Variants in HSH2D observed in about 807,000 individuals in gnomAD.
The protein encoded by HSH2D is hematopoietic SH2 domain-containing protein.
Under a neutral mutation model 21.5 loss-of-function variants are expected in HSH2D, and 16 were observed. The observed-to-expected ratio is 0.74, with a 90% CI of 0.50 to 1.13. HSH2D has a LOEUF of 1.13. Ranked by LOEUF, HSH2D falls within the 50% of genes most tolerant of loss-of-function variation. The pLI is 0.00. For missense variants in HSH2D, 418 were observed against 441.4 expected, an observed-to-expected ratio of 0.95 and a Z score of 0.47; for synonymous variants, 172 against 184.7, an observed-to-expected ratio of 0.93 and a Z score of 0.56.
At chr19:16,144,596 G>A (rs915031036) in intron 1 of HSH2D, among the ~76,000 whole-genome samples, 1 of 151,506 alleles carries the variant, frequency 6.6e-6, no homozygotes, top group Non-Finnish European at 1.5e-5. Flanking sequence ...CAGGGACAGA[G>A]AGCCATTAAG....
At chr19:16,142,842 G>A (rs764961845), upstream of HSH2D, among the ~76,000 whole-genome samples, 3 of 151,048 alleles carry the variant, frequency 2.0e-5, no homozygotes, top group African/African-American at 7.3e-5. Context: ...GCGTGATCTC[G>A]GCTCACTGCA....
At chr19:16,136,750 C>T (rs966219075) in intron 1 of HSH2D, among the ~76,000 whole-genome samples, 3 of 152,038 alleles carry the variant, frequency 2.0e-5, no homozygotes, top group Non-Finnish European at 4.4e-5. Flanking sequence ...GCAGAGGACC[C>T]GCTTGCATGA....
At position 16,157,099 on chromosome 19, in the gene HSH2D, G is replaced by A. The variant is rs2091246347; in HGVS notation, c.475-111G>A. The A allele has an allele frequency of 1.2e-6, 1 of 808,918 alleles. No homozygotes were observed. Among genetic ancestry groups the A allele is most frequent in the African/African-American group, 1.7e-5 (1 of 57,152 alleles). The allele number at this position is 808,918 out of a possible 1,614,324, so 50.1% of individuals were successfully genotyped here. A position where few individuals can be genotyped will look rare whatever the true frequency, so the allele number is the denominator to read the frequency against. On this transcript the variant is annotated intron_variant, in intron 5 of 5. Transcript: ENST00000613986. This position sits in a 1 kb window ranked among gnomAD's most constrained non-coding sequence, Gnocchi z 4.4. ...GATCAGGTTTGGGGGTTCACACGGG[G>A]ACGTTTCTCAGCCACAGGGTGTCTG...
upstream of HSH2D, among the ~76,000 whole-genome samples, chr19:16,141,225 C>T (rs1374298505): frequency 6.6e-6 from 1 of 152,212 alleles, no homozygotes; most frequent in African/African-American, 2.4e-5. Flanking sequence ...CACGTGTCTC[C>T]TGCTTAGACC....
chr19:16,145,036 GGT>G (rs1491259217), intron 1 of HSH2D, among the ~76,000 whole-genome samples: 6 of 137,674 alleles, frequency 4.4e-5, no homozygotes, highest in African/African-American at 1.8e-4. Context: ...TTTTTTTTGG[GGT>G]TTTTTTTTTT....
At chr19:16,143,855 G>A (rs1394052804) in intron 1 of HSH2D, 81 bp downstream of exon 1, 11 of 311,256 alleles carry the variant, frequency 3.5e-5, no homozygotes, top group South Asian at 1.7e-4. Flanking sequence ...CAGGGCTAGT[G>A]GGGCCTGGGG....
chr19:16,150,560 G>T (rs1364114067), intron 2 of HSH2D, among the ~76,000 whole-genome samples: 1 of 151,756 alleles, frequency 6.6e-6, no homozygotes, highest in Non-Finnish European at 1.5e-5. Context: ...AAATTAACTG[G>T]GCACGGTGGC....
chr19:16,134,867 A>T (rs543902150), intron 1 of HSH2D, among the ~76,000 whole-genome samples: 1 of 152,132 alleles, frequency 6.6e-6, no homozygotes, highest in South Asian at 2.1e-4. Context: ...TATGCCTATA[A>T]TCCCAGTGCC....
intron 1 of HSH2D, among the ~76,000 whole-genome samples, chr19:16,144,641 C>T (rs1368654452): frequency 2.0e-5 from 3 of 148,376 alleles, no homozygotes; most frequent in Non-Finnish European, 3.0e-5. Context: ...GCTAAGTGGG[C>T]GAGCTAGGGT....
chr19:16,136,966 C>T (rs919444610), intron 1 of HSH2D, among the ~76,000 whole-genome samples: 2 of 152,208 alleles, frequency 1.3e-5, no homozygotes, highest in Admixed American at 6.6e-5. Context: ...TTCAGGACCT[C>T]TCTCTGCAGG....
upstream of HSH2D, among the ~76,000 whole-genome samples, chr19:16,141,709 A>C (rs1216816638): frequency 1.3e-5 from 2 of 152,146 alleles, no homozygotes; most frequent in Non-Finnish European, 2.9e-5. Context: ...GGATCACCTG[A>C]GGTCAGGAGT....
At chr19:16,152,880 G>T (rs764708774) in intron 3 of HSH2D, 163 bp from the exon 4 acceptor site, 1 of 864,300 alleles carries the variant, frequency 1.2e-6, no homozygotes, top group South Asian at 1.4e-5. Flanking sequence ...GGCACAGCGA[G>T]GTTAGTAACC....
chr19:16,144,962 G>C (rs183744943), intron 1 of HSH2D, among the ~76,000 whole-genome samples: 1 of 150,898 alleles, frequency 6.6e-6, no homozygotes, highest in Non-Finnish European at 1.5e-5. Context: ...AAAGTGCTGA[G>C]ATTACAGGCA....
In HSH2D at chr19:16,148,838, G is replaced by T. The variant is rs978185349; in HGVS notation, c.88G>T (p.Gly30Trp). 1 of 1,613,686 alleles carries T rather than the reference G, an allele frequency of 6.2e-7. No individual in the cohort carries two copies. The highest frequency in any genetic ancestry group is 1.1e-5 in the South Asian group (1 of 91,024). ...HTQMGQLAQD[G>W]VPEWFHGAIS... The stretch of plus-strand genomic sequence containing the variant: ...CCAGATGGGCCAGCTGGCCCAAGAC[G>T]GGGTCCCCGAGTGGTTCCATGGTGC... Residue 30 changes from glycine to tryptophan, a missense_variant, in exon 2 of 6, where the codon GGG becomes TGG. Physicochemically the swap from Gly to Trp is radical, Grantham distance 184 (BLOSUM62 -2). Transcript: ENST00000613986.
intron 2 of HSH2D, among the ~76,000 whole-genome samples, chr19:16,151,765 GAAAAA>G (rs746775825): frequency 2.8e-3 from 169 of 61,310 alleles, no homozygotes; most frequent in African/African-American, 9.6e-3. Context: ...TGCCACAGCT[GAAAAA>G]AAAAAAAAAA....
chr19:16,141,571 A>G (rs141125709), upstream of HSH2D, among the ~76,000 whole-genome samples: 9 of 152,326 alleles, frequency 5.9e-5, no homozygotes, highest in Non-Finnish European at 1.2e-4. Flanking sequence ...TCCTAATAAT[A>G]AATATACAAT....
rs973975597 is a variant in HSH2D, at chr19:16,151,634, G to A, written c.126-918G>A. The A allele has an allele frequency of 1.5e-5, 7 of 455,702 alleles. No homozygotes were observed. In the East Asian group the frequency reaches 4.2e-4, roughly 27 times the overall value. The allele number at this position is 455,702 out of a possible 1,614,324, so 28.2% of individuals were successfully genotyped here. A position where few individuals can be genotyped will look rare whatever the true frequency, so the allele number is the denominator to read the frequency against. On this transcript the variant is annotated intron_variant, in intron 2 of 5. Coordinates refer to ENST00000613986, the MANE Select transcript of HSH2D (RefSeq NM_001382417.1). ...CCACCCAAAGGTGCCTTAATCGGGG[G>A]ATTCCAGGCATTGGGAAGGGGCTGT...
chr19:16,144,608 G>A (rs908349555), intron 1 of HSH2D, among the ~76,000 whole-genome samples: 1 of 151,250 alleles, frequency 6.6e-6, no homozygotes, highest in Admixed American at 6.6e-5. Context: ...GCCATTAAGT[G>A]ACTTATCTGA....
upstream of HSH2D, among the ~76,000 whole-genome samples, chr19:16,140,975 C>A (rs1464968386): frequency 1.3e-5 from 2 of 152,128 alleles, no homozygotes; most frequent in Non-Finnish European, 2.9e-5. Flanking sequence ...GTCTGAGGCC[C>A]AAGCCAGAGT....
Sources: gnomAD v4.1 joint callset for allele counts (sites outside exome capture counted in the v4.1 genomes callset) on GRCh38, gnomAD v4.1.1 for gene constraint, Gnocchi (gnomAD v3.1) non-coding constraint, MANE v1.5 for transcripts, NCBI Gene and HGNC (gene_info 2026-07-23, HGNC 2026-07-21) for gene names.